The following MSI2 variants were observed in gnomAD, a reference collection of about 807,000 sequenced individuals.
The protein encoded by MSI2 is musashi RNA binding protein 2.
Under a neutral mutation model 45.6 loss-of-function variants are expected in MSI2, and 17 were observed. That is an observed-to-expected ratio of 0.37 (90% CI 0.26 to 0.56). The LOEUF (loss-of-function observed/expected upper bound fraction) is 0.56. MSI2 is among the 20% of genes least tolerant of loss of function. The pLI is 0.77. For missense variants in MSI2, 293 were observed against 444.2 expected, an observed-to-expected ratio of 0.66 and a Z score of 3.06; for synonymous variants, 156 against 158.2, an observed-to-expected ratio of 0.99 and a Z score of 0.11.
chr17:57,347,520 G>A (rs904813541), intron 5 of MSI2, among the ~76,000 whole-genome samples: 1 of 152,106 alleles, frequency 6.6e-6, no homozygotes, highest in African/African-American at 2.4e-5. Flanking sequence ...AGGCATTATT[G>A]GAGTACAGAT....
At chr17:57,553,149 A>G (rs1249774801) in intron 7 of MSI2, among the ~76,000 whole-genome samples, 1 of 149,026 alleles carries the variant, frequency 6.7e-6, no homozygotes, top group East Asian at 1.9e-4. Flanking sequence ...CAGCTAGAGC[A>G]TGAGCCCCCC....
At chr17:57,678,359 A>G (rs1273926933) in intron 13 of MSI2, among the ~76,000 whole-genome samples, 1 of 152,198 alleles carries the variant, frequency 6.6e-6, no homozygotes, top group Admixed American at 6.5e-5. Flanking sequence ...GCCAGAGGCC[A>G]CTAACAGTTT....
intron 8 of MSI2, among the ~76,000 whole-genome samples, chr17:57,603,604 C>T (rs1457503268): frequency 6.6e-6 from 1 of 152,236 alleles, no homozygotes; most frequent in African/African-American, 2.4e-5. Context: ...CTTCACGTTT[C>T]CCCCACTGGG....
intron 7 of MSI2, among the ~76,000 whole-genome samples, chr17:57,575,968 A>G (rs1208601983): frequency 6.7e-6 from 1 of 148,402 alleles, no homozygotes; most frequent in African/African-American, 2.4e-5. Context: ...AAAAAAAAAA[A>G]AAATTGGAAA....
At chr17:57,576,291 C>T (rs2088045235) in intron 7 of MSI2, among the ~76,000 whole-genome samples, 1 of 152,240 alleles carries the variant, frequency 6.6e-6, no homozygotes, top group South Asian at 2.1e-4. Context: ...GGGTTGTGTG[C>T]TTCTCACAGC....
chr17:57,448,074 A>C (rs1373845591), intron 6 of MSI2: 1 of 152,244 alleles, frequency 6.6e-6, no homozygotes, highest in Admixed American at 6.5e-5. Flanking sequence ...GGAGGCAGGC[A>C]GGCATCTGTG....
the MSI2 span, among the ~76,000 whole-genome samples, chr17:57,691,642 A>C: frequency 6.6e-6 from 1 of 152,188 alleles, no homozygotes; most frequent in Non-Finnish European, 1.5e-5. Context: ...TTTAAATTCC[A>C]ATTGTTCATT....
At chr17:57,678,019 G>A (rs1044992033) in intron 13 of MSI2, among the ~76,000 whole-genome samples, 3 of 152,168 alleles carry the variant, frequency 2.0e-5, no homozygotes, top group African/African-American at 7.2e-5. Flanking sequence ...GATTCCACTC[G>A]GAAAATCCCA....
chr17:57,504,217 G>T (rs79854274), intron 6 of MSI2, among the ~76,000 whole-genome samples: 1 of 152,122 alleles, frequency 6.6e-6, no homozygotes, highest in East Asian at 1.9e-4. Flanking sequence ...CCCTTCCCGT[G>T]GTCTCCCATC....
intron 5 of MSI2, among the ~76,000 whole-genome samples, chr17:57,332,194 C>T (rs998934811): frequency 1.3e-5 from 2 of 151,616 alleles, no homozygotes; most frequent in African/African-American, 4.9e-5. Flanking sequence ...TCCACCTCCG[C>T]GGTTCAAGCA....
At chr17:57,279,097 G>A (rs917088591) in intron 5 of MSI2, 1 of 152,264 alleles carries the variant, frequency 6.6e-6, no homozygotes, top group African/African-American at 2.4e-5. Flanking sequence ...CTCTGGAAGG[G>A]AAGGTGGAAA....
intron 5 of MSI2, among the ~76,000 whole-genome samples, chr17:57,317,690 A>T (rs986290382): frequency 6.6e-6 from 1 of 151,968 alleles, no homozygotes; most frequent in Non-Finnish European, 1.5e-5. Flanking sequence ...TAGGACAGAA[A>T]TGAATATATA....
chr17:57,420,512 C>T (rs187202188), intron 6 of MSI2, among the ~76,000 whole-genome samples: 6 of 152,310 alleles, frequency 3.9e-5, no homozygotes, highest in East Asian at 1.9e-4. Context: ...GAAGAGTCTC[C>T]GAGACCGTTA....
At chr17:57,430,782 A>G (rs1004838261) in intron 6 of MSI2, among the ~76,000 whole-genome samples, 2 of 152,128 alleles carry the variant, frequency 1.3e-5, no homozygotes, top group African/African-American at 4.8e-5. Flanking sequence ...TGGTGGCCCA[A>G]GTTGGCAGAG....
At chr17:57,566,497 G>T (rs1276671551) in intron 7 of MSI2, among the ~76,000 whole-genome samples, 1 of 152,150 alleles carries the variant, frequency 6.6e-6, no homozygotes, top group Non-Finnish European at 1.5e-5. Context: ...ACATGTTGGT[G>T]TTCTCAGGCA....
intron 7 of MSI2, among the ~76,000 whole-genome samples, chr17:57,583,500 T>TC (rs1424639300): frequency 6.7e-6 from 1 of 148,484 alleles, no homozygotes; most frequent in African/African-American, 2.5e-5. Flanking sequence ...TTTTTTTTTT[T>TC]TTTTTTTGAG....
chr17:57,317,291 G>A (rs1912926296), intron 5 of MSI2, among the ~76,000 whole-genome samples: 1 of 152,264 alleles, frequency 6.6e-6, no homozygotes, highest in Middle Eastern at 3.4e-3. Flanking sequence ...CAACTGAGAT[G>A]ATGACGATGC....
chr17:57,339,358 TAAGA>T (rs1195425896), intron 5 of MSI2, among the ~76,000 whole-genome samples: 1 of 152,200 alleles, frequency 6.6e-6, no homozygotes, highest in Non-Finnish European at 1.5e-5. Flanking sequence ...CATGCACGCT[TAAGA>T]AAGTCAAAGC....
At chr17:57,549,312 CTT>C (rs33917812) in intron 7 of MSI2, among the ~76,000 whole-genome samples, 62 of 124,200 alleles carry the variant, frequency 5.0e-4, no homozygotes, top group Non-Finnish European at 6.2e-4. Flanking sequence ...CCCCACTGCC[CTT>C]TTTTTTTTTT....
Sources: gnomAD v4.1 joint callset for allele counts (sites outside exome capture counted in the v4.1 genomes callset) on GRCh38, gnomAD v4.1.1 for gene constraint, MANE v1.5 for transcripts, NCBI Gene and HGNC (gene_info 2026-07-23, HGNC 2026-07-21) for gene names.